The following TUSC3 variants were observed in gnomAD, a reference collection of about 807,000 sequenced individuals.
TUSC3 encodes dolichyl-diphosphooligosaccharide--protein glycosyltransferase subunit TUSC3.
TUSC3 carries 45 observed loss-of-function variants against 44.8 expected under a neutral mutation model. The observed-to-expected ratio is 1.00, with a 90% CI of 0.79 to 1.29. TUSC3 has a LOEUF of 1.29. Among genes scored for constraint, TUSC3 ranks in the 50% most tolerant of loss-of-function variants. The pLI is 0.00. For synonymous variants in TUSC3, 212 were observed against 152.9 expected (o/e 1.39, Z -2.85); for missense variants, 519 against 437.9 (o/e 1.19, Z -1.65).
At chr8:15,648,755 A>AAAAAAAAAAAAAAT (rs1806749531) in intron 2 of TUSC3, among the ~76,000 whole-genome samples, 1 of 141,574 alleles carries the variant, frequency 7.1e-6, no homozygotes, top group Non-Finnish European at 1.6e-5. Context: ...AAAAAAAAAA[A>AAAAAAAAAAAAAAT]AGACATCTCC....
chr8:15,713,535 G>C (rs73197156), intron 6 of TUSC3, among the ~76,000 whole-genome samples: 29,136 of 151,884 alleles, frequency 0.19, 2,899 homozygotes, highest in South Asian at 0.23. Context: ...TCACTGGATG[G>C]TTCCAACAAC....
intron 9 of TUSC3, among the ~76,000 whole-genome samples, chr8:15,752,756 C>G (rs1811761085): frequency 1.3e-5 from 2 of 151,992 alleles, no homozygotes; most frequent in Non-Finnish European, 2.9e-5. Flanking sequence ...ATCCCAGAAT[C>G]AAAGTTGAAA....
intron 7 of TUSC3, among the ~76,000 whole-genome samples, chr8:15,742,861 TC>T (rs1811253528): frequency 6.6e-6 from 1 of 152,216 alleles, no homozygotes; most frequent in Non-Finnish European, 1.5e-5. Context: ...GATGAAAATT[TC>T]CCATTTTCTT....
chr8:15,755,415 A>G (rs962070297), intron 9 of TUSC3, among the ~76,000 whole-genome samples: 1 of 152,138 alleles, frequency 6.6e-6, no homozygotes, highest in South Asian at 2.1e-4. Context: ...ATCTTCTGCT[A>G]AAAAGTTTTT....
intron 1 of TUSC3, among the ~76,000 whole-genome samples, chr8:15,422,135 A>C (rs933811311): frequency 6.6e-6 from 1 of 152,222 alleles, no homozygotes; most frequent in African/African-American, 2.4e-5. Flanking sequence ...TAAATTTTGC[A>C]AATAAATTCA....
intron 1 of TUSC3, among the ~76,000 whole-genome samples, chr8:15,558,739 G>T (rs1405766978): frequency 8.3e-6 from 1 of 120,904 alleles, no homozygotes; most frequent in Non-Finnish European, 1.8e-5. Context: ...TCTTGGGAGA[G>T]TGTATGTGTC....
chr8:15,605,774 C>T (rs1804493900), intron 1 of TUSC3, among the ~76,000 whole-genome samples: 2 of 151,970 alleles, frequency 1.3e-5, no homozygotes, highest in South Asian at 4.1e-4. Flanking sequence ...ACACCACTTG[C>T]AGTTGAGGGA....
At chr8:15,625,400 T>A (rs983063608) in intron 2 of TUSC3, among the ~76,000 whole-genome samples, 1 of 152,184 alleles carries the variant, frequency 6.6e-6, no homozygotes, top group Admixed American at 6.5e-5. Context: ...TTGGGAAATA[T>A]TGTATAAAAT....
chr8:15,751,875 G>A (rs1230454411), intron 9 of TUSC3, among the ~76,000 whole-genome samples: 1 of 152,160 alleles, frequency 6.6e-6, no homozygotes, highest in Non-Finnish European at 1.5e-5. Flanking sequence ...TAAGAATCAG[G>A]TGAATAGTTA....
In TUSC3 at chr8:15,731,020, G is replaced by A. The variant is rs2543142; in HGVS notation, c.862+291G>A. Among the ~76,000 whole-genome samples the A allele has an allele frequency of 0.28, 43,055 of 151,626 alleles. 6,645 individuals carry two copies. Among genetic ancestry groups the A allele is most frequent in the Admixed American group, 0.38 (5,846 of 15,232 alleles). ...TGGCTAGATTTTTTCAAGTGTATAT[G>A]GCTTTTCCGTATAGCATCCTAATGG... is the stretch of plus-strand genomic sequence containing the variant. On this transcript the variant is annotated intron_variant, in intron 7 of 10. Coordinates refer to ENST00000503731, the MANE Select transcript of TUSC3 (RefSeq NM_006765.4).
the TUSC3 span, among the ~76,000 whole-genome samples, chr8:15,824,311 C>T: frequency 1.3e-5 from 2 of 152,250 alleles, no homozygotes; most frequent in African/African-American, 4.8e-5. Context: ...TGCAAATAAA[C>T]CAAACACTCA....
intron 1 of TUSC3, among the ~76,000 whole-genome samples, chr8:15,604,052 GC>G (rs1439120285): frequency 6.6e-6 from 1 of 151,616 alleles, no homozygotes; most frequent in Non-Finnish European, 1.5e-5. Context: ...ATGATGGGGT[GC>G]CCTACAGCAA....
chr8:15,521,270 G>C (rs903508111), intron 2 of TUSC3, among the ~76,000 whole-genome samples: 1 of 152,120 alleles, frequency 6.6e-6, no homozygotes, highest in African/African-American at 2.4e-5. Context: ...TCCTCGGCTG[G>C]GTAGCATGGC....
At chr8:15,629,532 C>A (rs1444344155) in intron 2 of TUSC3, among the ~76,000 whole-genome samples, 1 of 149,792 alleles carries the variant, frequency 6.7e-6, no homozygotes, top group African/African-American at 2.4e-5. Flanking sequence ...AGAAAGGGAC[C>A]CTGTCATTTG....
At chr8:15,734,159 A>C (rs772201857) in intron 7 of TUSC3, among the ~76,000 whole-genome samples, 11 of 152,196 alleles carry the variant, frequency 7.2e-5, no homozygotes, top group Non-Finnish European at 1.6e-4. Context: ...TTCTTCTGGC[A>C]AAAAATTACA....
the TUSC3 span, among the ~76,000 whole-genome samples, chr8:15,800,231 T>C: frequency 1.3e-5 from 2 of 152,164 alleles, no homozygotes; most frequent in Admixed American, 6.5e-5. Context: ...ATTTGCTCTT[T>C]GTAGCTTTCT....
chr8:15,820,310 CTTTTT>C, the TUSC3 span, among the ~76,000 whole-genome samples: 19 of 97,556 alleles, frequency 1.9e-4, no homozygotes, highest in Middle Eastern at 6.1e-3. Flanking sequence ...ATCTGTAATT[CTTTTT>C]TTTTTTTTTT....
At chr8:15,771,625 G>C (rs1812440428), downstream of TUSC3, among the ~76,000 whole-genome samples, 1 of 152,058 alleles carries the variant, frequency 6.6e-6, no homozygotes, top group Non-Finnish European at 1.5e-5. Context: ...TAACAAATAT[G>C]TGGAAAATAA....
At chr8:15,769,451 G>A (rs1406407760), downstream of TUSC3, among the ~76,000 whole-genome samples, 1 of 152,068 alleles carries the variant, frequency 6.6e-6, no homozygotes, top group Non-Finnish European at 1.5e-5. Flanking sequence ...AGACTTAAAT[G>A]TTAAGACCTA....
Sources: allele counts gnomAD v4.1 joint callset (sites outside exome capture counted in the v4.1 genomes callset), GRCh38; gene constraint gnomAD v4.1.1; transcripts MANE v1.5; gene names NCBI Gene and HGNC (gene_info 2026-07-23, HGNC 2026-07-21).